CHCHD6: variants seen among roughly 807,000 people sequenced by gnomAD.
CHCHD6 encodes MICOS complex subunit MIC25.
CHCHD6 carries 28 observed loss-of-function variants against 32.3 expected under a neutral mutation model. That is an observed-to-expected ratio of 0.87 (90% CI 0.64 to 1.19). CHCHD6 has a LOEUF of 1.19. CHCHD6 is among the 50% of genes most tolerant of loss of function. The probability of loss-of-function intolerance (pLI) is 0.00; values close to 1 mark genes in which losing one functional copy is unlikely to be tolerated. For missense variants in CHCHD6, 333 were observed against 307.0 expected, an observed-to-expected ratio of 1.08 and a Z score of -0.63; for synonymous variants, 122 against 117.5, an observed-to-expected ratio of 1.04 and a Z score of -0.25.
Position 126,712,820 on chromosome 3 carries a change from C to G in CHCHD6, c.87+8421C>G, listed in dbSNP as rs540496813. ...GCTTTCTAAATGACCCTGCCAGCACCCCCGTGCATGTCCCATGGGTACATT... is the reference window on the plus strand; with the variant it reads ...GCTTTCTAAATGACCCTGCCAGCACGCCCGTGCATGTCCCATGGGTACATT... On this transcript the variant is annotated intron_variant, in intron 1 of 7. Coordinates refer to ENST00000290913, the MANE Select transcript of CHCHD6 (RefSeq NM_032343.3). 1.1e-4 allele frequency among the ~76,000 whole-genome samples: 17 copies of G among 152,324 alleles called. No individual in the cohort carries two copies. In the South Asian group the frequency reaches 3.3e-3, roughly 30 times the overall value.
intron 5 of CHCHD6, among the ~76,000 whole-genome samples, chr3:126,890,137 G>T (rs1477192857): frequency 6.6e-6 from 1 of 152,236 alleles, no homozygotes; most frequent in Non-Finnish European, 1.5e-5. Context: ...TGTGCCAGCC[G>T]CCTGGAAAGT....
intron 5 of CHCHD6, among the ~76,000 whole-genome samples, chr3:126,907,905 G>A (rs2078028661): frequency 6.6e-6 from 1 of 152,186 alleles, no homozygotes. Flanking sequence ...AGAATAGAAG[G>A]CTTGCCACTG....
At chr3:126,828,519 G>A (rs1369263811) in intron 4 of CHCHD6, among the ~76,000 whole-genome samples, 1 of 152,206 alleles carries the variant, frequency 6.6e-6, no homozygotes, top group Non-Finnish European at 1.5e-5. Flanking sequence ...CCTGGACAGA[G>A]GCCACTCTGA....
At chr3:126,791,842 C>T (rs1938560650) in intron 4 of CHCHD6, among the ~76,000 whole-genome samples, 1 of 152,206 alleles carries the variant, frequency 6.6e-6, no homozygotes, top group Non-Finnish European at 1.5e-5. Context: ...AACTCCTGAC[C>T]TCAGGCGATC....
intron 4 of CHCHD6, among the ~76,000 whole-genome samples, chr3:126,794,395 AT>A (rs1331762189): frequency 6.8e-6 from 1 of 147,114 alleles, no homozygotes; most frequent in Non-Finnish European, 1.5e-5. Context: ...CCAAACTATC[AT>A]TTTTAAAAGT....
Position 126,898,730 on chromosome 3 carries a change from G to A in CHCHD6, c.496-15950G>A, listed in dbSNP as rs576467134. Among the ~76,000 whole-genome samples the A allele has an allele frequency of 3.9e-5, 6 of 152,174 alleles. 1 individual carries two copies. The South Asian group carries it at 8.3e-4, about 21-fold the overall frequency. Reference sequence around the variant, plus strand: ...ATTTTTGTATTTTTAGTAGAGACAGGGTTTCACCATGTTGGCCAGGCTGGT... The same window carrying A: ...ATTTTTGTATTTTTAGTAGAGACAGAGTTTCACCATGTTGGCCAGGCTGGT... On this transcript the variant is annotated intron_variant, in intron 5 of 7. Transcript: ENST00000290913.
At chr3:126,954,507 G>T (rs1241149165) in intron 6 of CHCHD6, among the ~76,000 whole-genome samples, 1 of 152,214 alleles carries the variant, frequency 6.6e-6, no homozygotes, top group Non-Finnish European at 1.5e-5. Flanking sequence ...GGGCCACTTA[G>T]CCTCCGCCTG....
intron 7 of CHCHD6, 65 bp downstream of exon 7, chr3:126,957,616 A>G (rs2078805296): frequency 1.3e-6 from 2 of 1,513,986 alleles, no homozygotes; most frequent in South Asian, 1.2e-5. Flanking sequence ...ACCTCTATCT[A>G]GCATTGGAGA....
intron 5 of CHCHD6, among the ~76,000 whole-genome samples, chr3:126,888,581 G>A (rs2077710819): frequency 6.6e-6 from 1 of 152,186 alleles, no homozygotes; most frequent in South Asian, 2.1e-4. Flanking sequence ...GCTTCTGGAG[G>A]CCACCTGGAC....
chr3:126,853,679 G>A (rs1306254039), intron 5 of CHCHD6, among the ~76,000 whole-genome samples: 1 of 152,174 alleles, frequency 6.6e-6, no homozygotes, highest in Non-Finnish European at 1.5e-5. Flanking sequence ...TTTAGGGGAT[G>A]GCCAGAGTTG....
At chr3:126,740,241 G>A (rs934803174) in intron 4 of CHCHD6, among the ~76,000 whole-genome samples, 2 of 152,100 alleles carry the variant, frequency 1.3e-5, no homozygotes, top group Admixed American at 6.5e-5. Flanking sequence ...TGTCCCTCCT[G>A]CAGCTGCAGA....
intron 1 of CHCHD6, among the ~76,000 whole-genome samples, chr3:126,707,285 A>C (rs1360285463): frequency 1.3e-5 from 2 of 152,024 alleles, no homozygotes; most frequent in East Asian, 3.9e-4. Context: ...AAAAAGATTA[A>C]GTGCTAGGCC....
At chr3:126,869,056 T>TA (rs2077428381) in intron 5 of CHCHD6, among the ~76,000 whole-genome samples, 1 of 152,332 alleles carries the variant, frequency 6.6e-6, no homozygotes, top group East Asian at 1.9e-4. Context: ...CTAAAAAAGT[T>TA]AAAAAACACT....
At chr3:126,752,462 T>C (rs1466705427) in intron 4 of CHCHD6, among the ~76,000 whole-genome samples, 1 of 152,188 alleles carries the variant, frequency 6.6e-6, no homozygotes, top group Admixed American at 6.5e-5. Context: ...GGAGAAGGCC[T>C]TGGGCAGGGT....
At chr3:126,728,651 C>T (rs1287729246) in intron 2 of CHCHD6, among the ~76,000 whole-genome samples, 1 of 152,176 alleles carries the variant, frequency 6.6e-6, no homozygotes, top group Admixed American at 6.5e-5. Context: ...TGCACTTTAA[C>T]AAACTGGATT....
intron 5 of CHCHD6, among the ~76,000 whole-genome samples, chr3:126,910,639 A>T (rs951378824): frequency 6.6e-6 from 1 of 152,242 alleles, no homozygotes; most frequent in Non-Finnish European, 1.5e-5. Context: ...AGATGCCAAG[A>T]TGTTCCTCTT....
chr3:126,797,608 G>A (rs1394352745), intron 4 of CHCHD6, among the ~76,000 whole-genome samples: 2 of 152,120 alleles, frequency 1.3e-5, no homozygotes, highest in African/African-American at 4.8e-5. Flanking sequence ...TTTTAATACA[G>A]TAGTGACACA....
At chr3:126,946,709 C>G (rs1041495433) in intron 6 of CHCHD6, among the ~76,000 whole-genome samples, 1 of 152,178 alleles carries the variant, frequency 6.6e-6, no homozygotes, top group Non-Finnish European at 1.5e-5. Flanking sequence ...CTGGTCTCAT[C>G]AGCGCCTCAG....
At chr3:126,773,363 A>G (rs183092331) in intron 4 of CHCHD6, among the ~76,000 whole-genome samples, 3 of 152,162 alleles carry the variant, frequency 2.0e-5, no homozygotes, top group African/African-American at 7.2e-5. Flanking sequence ...GATGCACACA[A>G]TAATTTACGA....
Sources: allele counts gnomAD v4.1 joint callset (sites outside exome capture counted in the v4.1 genomes callset), GRCh38; gene constraint gnomAD v4.1.1; transcripts MANE v1.5; gene names NCBI Gene and HGNC (gene_info 2026-07-23, HGNC 2026-07-21).